NBAS: variants seen among roughly 807,000 people sequenced by gnomAD.
NBAS encodes the protein NAG/BC035112 fusion.
A neutral mutation model predicts 302.5 loss-of-function variants in NBAS; 219 were observed. The observed-to-expected ratio is 0.72, with a 90% CI of 0.65 to 0.81. The LOEUF is 0.81. Among genes scored for constraint, NBAS ranks in the 30% least tolerant of loss-of-function variants. The pLI, the probability that NBAS is intolerant of heterozygous loss-of-function variation, is 0.00. For synonymous variants in NBAS, 1,118 were observed against 1,021.6 expected (o/e 1.09, Z -1.80); for missense variants, 2,932 against 2,841.6 (o/e 1.03, Z -0.72).
chr2:14,822,528 C>T, the NBAS span, among the ~76,000 whole-genome samples: 303 of 152,260 alleles, frequency 2.0e-3, 1 homozygote, highest in African/African-American at 5.8e-3. Context: ...ACATTTCAGA[C>T]CTCCAAAGGT....
the NBAS span, among the ~76,000 whole-genome samples, chr2:14,910,514 C>A: frequency 6.6e-6 from 1 of 152,182 alleles, no homozygotes; most frequent in Non-Finnish European, 1.5e-5. Flanking sequence ...CCAGGCCACA[C>A]CGGGGTTTTC....
the NBAS span, among the ~76,000 whole-genome samples, chr2:14,820,189 T>C: frequency 6.6e-6 from 1 of 152,190 alleles, no homozygotes; most frequent in African/African-American, 2.4e-5. Context: ...AGGAAATCAG[T>C]GTATCAAGGA....
chr2:15,290,601 A>G (rs897526824), intron 41 of NBAS, among the ~76,000 whole-genome samples: 1 of 152,186 alleles, frequency 6.6e-6, no homozygotes, highest in Non-Finnish European at 1.5e-5. Flanking sequence ...TCCATAGCAA[A>G]AGCATACTGG....
chr2:15,541,747 A>T (rs1663835143), intron 6 of NBAS, among the ~76,000 whole-genome samples: 1 of 148,384 alleles, frequency 6.7e-6, no homozygotes, highest in African/African-American at 2.5e-5. Flanking sequence ...ACTTCACGGG[A>T]GGGAGGTGGG....
At chr2:15,085,620 C>T in the NBAS span, among the ~76,000 whole-genome samples, 1 of 152,176 alleles carries the variant, frequency 6.6e-6, no homozygotes, top group African/African-American at 2.4e-5. Flanking sequence ...AGCAGCCCTG[C>T]CCTCCTGAGC....
At chr2:15,021,618 C>T in the NBAS span, among the ~76,000 whole-genome samples, 2 of 150,778 alleles carry the variant, frequency 1.3e-5, no homozygotes, top group African/African-American at 4.9e-5. Context: ...GCTAAGCATT[C>T]ACCCACTTTG....
chr2:15,317,288 G>A (rs1332564621), intron 38 of NBAS, among the ~76,000 whole-genome samples: 2 of 152,112 alleles, frequency 1.3e-5, no homozygotes, highest in Non-Finnish European at 2.9e-5. Context: ...CACAAAGATG[G>A]GGAGAAACCA....
chr2:14,934,903 A>G, the NBAS span, among the ~76,000 whole-genome samples: 1 of 152,172 alleles, frequency 6.6e-6, no homozygotes, highest in Non-Finnish European at 1.5e-5. Flanking sequence ...AATCTATATG[A>G]TGGTATAATG....
chr2:14,895,287 A>G, the NBAS span, among the ~76,000 whole-genome samples: 35,793 of 152,078 alleles, frequency 0.24, 4,717 homozygotes, highest in Non-Finnish European at 0.3. Flanking sequence ...TGAATATATT[A>G]CTTTGACAAG....
chr2:15,516,854 C>T (rs2148656364), intron 9 of NBAS, among the ~76,000 whole-genome samples: 1 of 151,918 alleles, frequency 6.6e-6, no homozygotes, highest in East Asian at 1.9e-4. Flanking sequence ...GGATAAGCAA[C>T]AGCAAATCAC....
At chr2:14,840,828 T>C in the NBAS span, among the ~76,000 whole-genome samples, 1 of 151,922 alleles carries the variant, frequency 6.6e-6, no homozygotes, top group Non-Finnish European at 1.5e-5. Flanking sequence ...AAGAAAAATA[T>C]ATGAAGGTAT....
chr2:14,852,742 A>G, the NBAS span, among the ~76,000 whole-genome samples: 31 of 149,224 alleles, frequency 2.1e-4, no homozygotes, highest in African/African-American at 6.5e-4. Context: ...CAATGGAACA[A>G]AACAGAGCCC....
At chr2:15,035,798 A>G in the NBAS span, among the ~76,000 whole-genome samples, 1 of 152,190 alleles carries the variant, frequency 6.6e-6, no homozygotes, top group Non-Finnish European at 1.5e-5. Context: ...GTGAGAACAC[A>G]TGGACACAAG....
the NBAS span, among the ~76,000 whole-genome samples, chr2:15,117,089 A>G: frequency 2.6e-5 from 4 of 152,160 alleles, no homozygotes; most frequent in African/African-American, 9.7e-5. Flanking sequence ...CGCAATACGT[A>G]TCAGATCTTA....
chr2:15,068,180 T>A, the NBAS span, among the ~76,000 whole-genome samples: 3 of 152,228 alleles, frequency 2.0e-5, no homozygotes, highest in African/African-American at 7.2e-5. Flanking sequence ...GCAGGTCCCC[T>A]ACATTCCCTG....
downstream of NBAS, among the ~76,000 whole-genome samples, chr2:15,164,876 G>T (rs1286920454): frequency 6.6e-6 from 1 of 152,020 alleles, no homozygotes; most frequent in Non-Finnish European, 1.5e-5. Context: ...TTTTAAATTT[G>T]GTTTCTAGTA....
At chr2:15,478,429 T>C in intron 12 of NBAS, 140 bp from the exon 13 acceptor site, 1 of 699,588 alleles carries the variant, frequency 1.4e-6, no homozygotes, top group South Asian at 1.6e-5. Context: ...AATCTATTTA[T>C]TGCCATGATA....
chr2:15,268,988 C>G (rs2148036170), intron 44 of NBAS, among the ~76,000 whole-genome samples: 1 of 152,290 alleles, frequency 6.6e-6, no homozygotes, highest in African/African-American at 2.4e-5. Flanking sequence ...TTCTCTAGGT[C>G]CTTAGGGGTT....
chr2:15,192,532 A>C (rs1440369788), intron 48 of NBAS, among the ~76,000 whole-genome samples: 2 of 152,190 alleles, frequency 1.3e-5, no homozygotes, highest in Non-Finnish European at 2.9e-5. Flanking sequence ...AATCAGGACA[A>C]AAGACGGCAG....
Sources: gnomAD v4.1 joint callset for allele counts (sites outside exome capture counted in the v4.1 genomes callset) on GRCh38, gnomAD v4.1.1 for gene constraint, MANE v1.5 for transcripts, NCBI Gene and HGNC (gene_info 2026-07-23, HGNC 2026-07-21) for gene names.